The following CACNA1E variants were observed in gnomAD, a reference collection of about 807,000 sequenced individuals.
CACNA1E encodes the protein voltage-dependent R-type calcium channel subunit alpha-1E.
CACNA1E carries 40 observed loss-of-function variants against 259.2 expected under a neutral mutation model. The ratio of observed to expected loss-of-function variants is 0.15; its 90% CI spans 0.12 to 0.20. The LOEUF (loss-of-function observed/expected upper bound fraction) is 0.20, where lower values mean the gene tolerates loss of function less well. CACNA1E is among the 10% of genes least tolerant of loss of function. The probability of loss-of-function intolerance (pLI) is 1.00; values close to 1 mark genes in which losing one functional copy is unlikely to be tolerated. For missense variants in CACNA1E, 1,874 were observed against 3,040.1 expected, an observed-to-expected ratio of 0.62 and a Z score of 9.02; for synonymous variants, 1,104 against 1,138.5, an observed-to-expected ratio of 0.97 and a Z score of 0.61.
At chr1:181,752,706 C>G (rs1298360590) in intron 27 of CACNA1E, among the ~76,000 whole-genome samples, 1 of 152,218 alleles carries the variant, frequency 6.6e-6, no homozygotes, top group African/African-American at 2.4e-5. Context: ...AATTTTGAGG[C>G]ACAGATAGGT....
At chr1:181,713,048 A>G (rs1308376430) in intron 8 of CACNA1E, among the ~76,000 whole-genome samples, 2 of 152,196 alleles carry the variant, frequency 1.3e-5, no homozygotes, top group African/African-American at 4.8e-5. Context: ...ATGGAGCGCC[A>G]GTGAATCAGA....
At chr1:181,692,674 A>T (rs975339515) in intron 7 of CACNA1E, among the ~76,000 whole-genome samples, 4 of 152,204 alleles carry the variant, frequency 2.6e-5, no homozygotes, top group Non-Finnish European at 5.9e-5. Flanking sequence ...TTTGAATATA[A>T]GACCTCAAAC....
chr1:181,767,941 T>A (rs1433676797), intron 35 of CACNA1E, among the ~76,000 whole-genome samples: 2 of 152,236 alleles, frequency 1.3e-5, no homozygotes, highest in African/African-American at 4.8e-5. Flanking sequence ...TTTTCAAAAT[T>A]GATTTTTTAT....
Position 181,372,951 on chromosome 1 carries a change from A to G in CACNA1E, c.-14-40182A>G, listed in dbSNP as rs575064158. Among the ~76,000 whole-genome samples the G allele has an allele frequency of 1.8e-3, 267 of 152,014 alleles. 1 individual carries two copies. Among genetic ancestry groups the G allele is most frequent in the African/African-American group, 6.2e-3 (259 of 41,446 alleles). On this transcript the variant is annotated intron_variant, in intron 1 of 11. Coordinates refer to the CACNA1E transcript ENST00000524607. ...TAATGAATCACGTTTATTGATTTGC[A>G]TATGTTGAACCAACCTTGAATCCCA...
chr1:181,466,376 C>A (rs1662157336), intron 2 of CACNA1E, among the ~76,000 whole-genome samples: 1 of 136,112 alleles, frequency 7.3e-6, no homozygotes, highest in African/African-American at 2.9e-5. Context: ...AACCATATTT[C>A]TACTTAAAAA....
chr1:181,771,859 C>T (rs376598448), intron 36 of CACNA1E, among the ~76,000 whole-genome samples: 29 of 152,168 alleles, frequency 1.9e-4, no homozygotes, highest in African/African-American at 6.0e-4. Context: ...AAGATGGAGA[C>T]GCAGTGGATG....
At chr1:181,766,890 C>A (rs1274063166) in intron 35 of CACNA1E, among the ~76,000 whole-genome samples, 3 of 152,196 alleles carry the variant, frequency 2.0e-5, no homozygotes, top group African/African-American at 7.2e-5. Flanking sequence ...TCTGTGGTGA[C>A]AGCCATAGAA....
chr1:181,382,491 T>A (rs1571720346), intron 1 of CACNA1E, among the ~76,000 whole-genome samples: 1 of 152,256 alleles, frequency 6.6e-6, no homozygotes, highest in East Asian at 1.9e-4. Flanking sequence ...TGGGCTAGGT[T>A]AATGGCAGTG....
At chr1:181,651,556 T>C in intron 7 of CACNA1E, 115 bp downstream of exon 7, 3 of 702,352 alleles carry the variant, frequency 4.3e-6, no homozygotes, top group Non-Finnish European at 7.4e-6. Context: ...GACACTTACC[T>C]AGCAGTTCCT....
chr1:181,681,865 T>C (rs1650007380), intron 7 of CACNA1E, among the ~76,000 whole-genome samples: 1 of 152,172 alleles, frequency 6.6e-6, no homozygotes, highest in Non-Finnish European at 1.5e-5. Context: ...GCTGGGGGCT[T>C]TGGGCAAGTC....
intron 2 of CACNA1E, among the ~76,000 whole-genome samples, chr1:181,417,438 C>T (rs1658352882): frequency 6.6e-6 from 1 of 152,142 alleles, no homozygotes; most frequent in African/African-American, 2.4e-5. Flanking sequence ...TCCTTATTTT[C>T]ACCCTCAACT....
In CACNA1E at chr1:181,688,117, A is replaced by G. The variant is rs1384372327; in HGVS notation, c.1056-22837A>G. On this transcript the variant is annotated intron_variant, in intron 7 of 47. Transcript: ENST00000367573. Reference sequence around the variant, plus strand: ...TGAAATGAGTATCTGGGCACTAACAATAAAGCTTAAGTGATAGAACATTAC... The same window carrying G: ...TGAAATGAGTATCTGGGCACTAACAGTAAAGCTTAAGTGATAGAACATTAC... Among the ~76,000 whole-genome samples the G allele has an allele frequency of 2.0e-5, 3 of 152,180 alleles. No homozygotes were observed. In the East Asian group the frequency reaches 5.8e-4, roughly 29 times the overall value.
intron 3 of CACNA1E, among the ~76,000 whole-genome samples, chr1:181,552,515 A>G (rs1368733147): frequency 6.7e-6 from 1 of 148,770 alleles, no homozygotes; most frequent in African/African-American, 2.5e-5. Flanking sequence ...TTTTTTCCTT[A>G]GAGTGTTCCA....
chr1:181,476,305 G>C (rs898978611), intron 2 of CACNA1E, among the ~76,000 whole-genome samples: 5 of 152,160 alleles, frequency 3.3e-5, no homozygotes, highest in African/African-American at 1.2e-4. Context: ...TACTAGGTGG[G>C]TGTAACCAGC....
At position 181,755,983 on chromosome 1, in the gene CACNA1E, C is replaced by T; in HGVS notation, c.4017C>T (p.Asn1339=). 6.2e-7 allele frequency: 1 copy of T among 1,613,846 alleles called. No individual in the cohort carries two copies. Among genetic ancestry groups the T allele is most frequent in the Non-Finnish European group, 8.5e-7 (1 of 1,179,824 alleles). ...CIGNYVDHEK[N]KMEVKGREWK... Reference sequence around the variant, plus strand: ...GCAACTATGTAGATCATGAGAAAAACAAGATGGAGGTGAAGGGCCGGGAAT... The same window carrying T: ...GCAACTATGTAGATCATGAGAAAAATAAGATGGAGGTGAAGGGCCGGGAAT... The change falls in exon 29 of 48, where the codon AAC becomes AAT. Residue 1339 remains asparagine (N), a synonymous_variant. Transcript: ENST00000367573.
chr1:181,377,114 A>G (rs1655155501), intron 1 of CACNA1E, among the ~76,000 whole-genome samples: 1 of 152,244 alleles, frequency 6.6e-6, no homozygotes, highest in Non-Finnish European at 1.5e-5. Context: ...ACAAGCACTT[A>G]TAAAGAACGT....
At chr1:181,326,881 C>T (rs1557913539) in intron 1 of CACNA1E, among the ~76,000 whole-genome samples, 1 of 152,202 alleles carries the variant, frequency 6.6e-6, no homozygotes, top group African/African-American at 2.4e-5. Context: ...TCATTTGTGA[C>T]TCTTGTTCCT....
intron 1 of CACNA1E, among the ~76,000 whole-genome samples, chr1:181,382,510 G>T (rs1557957853): frequency 6.6e-6 from 1 of 152,156 alleles, no homozygotes; most frequent in African/African-American, 2.4e-5. Flanking sequence ...TGGAGAGGAA[G>T]AATTTAAGGT....
At chr1:181,567,476 A>G (rs774758721) in intron 3 of CACNA1E, among the ~76,000 whole-genome samples, 3 of 152,228 alleles carry the variant, frequency 2.0e-5, no homozygotes, top group Non-Finnish European at 4.4e-5. Flanking sequence ...GGAAAACAAC[A>G]AAAGAAACTC....
Sources: gnomAD v4.1 joint callset for allele counts (sites outside exome capture counted in the v4.1 genomes callset) on GRCh38, gnomAD v4.1.1 for gene constraint, MANE v1.5 for transcripts, NCBI Gene and HGNC (gene_info 2026-07-23, HGNC 2026-07-21) for gene names.